The following CPNE8 variants were observed in gnomAD, a reference collection of about 807,000 sequenced individuals.
The protein encoded by CPNE8 is copine 8.
Under a neutral mutation model 81.5 loss-of-function variants are expected in CPNE8, and 45 were observed. The observed-to-expected ratio is 0.55, with a 90% confidence interval of 0.44 to 0.71. The LOEUF (loss-of-function observed/expected upper bound fraction) is 0.71. CPNE8 is among the 30% of genes least tolerant of loss of function. The pLI, the probability that CPNE8 is intolerant of heterozygous loss-of-function variation, is 0.00. For missense variants in CPNE8, 594 were observed against 672.1 expected, an observed-to-expected ratio of 0.88 and a Z score of 1.28; for synonymous variants, 252 against 226.3, an observed-to-expected ratio of 1.11 and a Z score of -1.02.
intron 10 of CPNE8, among the ~76,000 whole-genome samples, chr12:38,755,766 C>A (rs1007492744): frequency 1.8e-4 from 28 of 152,086 alleles, no homozygotes; most frequent in Non-Finnish European, 4.0e-4. Flanking sequence ...AACGGCCGGG[C>A]GCGGTGGCTC....
At chr12:38,697,963 T>C (rs1939837492) in intron 14 of CPNE8, among the ~76,000 whole-genome samples, 1 of 152,208 alleles carries the variant, frequency 6.6e-6, no homozygotes, top group Non-Finnish European at 1.5e-5. Flanking sequence ...ACCTACTTTC[T>C]TTATAAATTA....
chr12:38,666,641 T>C (rs943716191), intron 19 of CPNE8, among the ~76,000 whole-genome samples: 2 of 152,140 alleles, frequency 1.3e-5, no homozygotes, highest in Non-Finnish European at 2.9e-5. Flanking sequence ...AAATGTATGA[T>C]GGGAAGTTAG....
intron 11 of CPNE8, among the ~76,000 whole-genome samples, chr12:38,727,152 T>G (rs771485852): frequency 9.2e-5 from 14 of 152,152 alleles, no homozygotes; most frequent in Non-Finnish European, 2.1e-4. Flanking sequence ...ATCTGGAAAT[T>G]AATCAAAGGC....
chr12:38,731,070 T>C (rs888040450), intron 10 of CPNE8, among the ~76,000 whole-genome samples: 2 of 151,892 alleles, frequency 1.3e-5, no homozygotes, highest in African/African-American at 4.8e-5. Context: ...CATTCAGCAA[T>C]CTAGAGCAGA....
intron 15 of CPNE8, among the ~76,000 whole-genome samples, chr12:38,693,413 T>C (rs1340351021): frequency 6.6e-6 from 1 of 152,060 alleles, no homozygotes; most frequent in Non-Finnish European, 1.5e-5. Flanking sequence ...TAGCAAGCAA[T>C]AGATAACCAA....
At chr12:38,905,876 G>T (rs1227234771), upstream of CPNE8, 1 of 985,248 alleles carries the variant, frequency 1.0e-6, no homozygotes, top group Non-Finnish European at 1.2e-6. Context: ...CCAGCAAGCA[G>T]CCTGATGGAG....
intron 6 of CPNE8, among the ~76,000 whole-genome samples, chr12:38,823,462 C>G (rs1943138527): frequency 6.6e-6 from 1 of 152,162 alleles, no homozygotes; most frequent in Non-Finnish European, 1.5e-5. Context: ...CTACCAACTG[C>G]CTAGATCACA....
In CPNE8 at chr12:38,850,446, T is replaced by C. The variant is rs1943627917; in HGVS notation, c.187-1784A>G. 5.3e-5 allele frequency among the ~76,000 whole-genome samples: 8 copies of C among 152,336 alleles called. No homozygotes were observed. The South Asian group carries it at 1.7e-3, about 32-fold the overall frequency. On this transcript the variant is annotated intron_variant, in intron 3 of 19. Transcript: ENST00000331366. ...ACACACAAGCCTATTTCTCATAGAA[T>C]GCTGGCTCCTCAGCAATAGGAGTGA... is the stretch of plus-strand genomic sequence containing the variant.
At position 38,746,834 on chromosome 12, in the gene CPNE8, A is replaced by G. The variant is rs138802947; in HGVS notation, c.722+14013T>C. ...ATTTTAAAACAGGAACTAGAATCCT[A>G]TATATAAAAAAGAGATTGAATTTGC... On this transcript the variant is annotated intron_variant, in intron 10 of 19. Coordinates refer to ENST00000331366, the MANE Select transcript of CPNE8 (RefSeq NM_153634.3). Among the ~76,000 whole-genome samples, 306 of 152,322 alleles carry G rather than the reference A, an allele frequency of 2.0e-3. 2 individuals are homozygous for G. The highest frequency in any genetic ancestry group is 7.2e-3 in the African/African-American group (300 of 41,572).
intron 1 of CPNE8, among the ~76,000 whole-genome samples, chr12:38,879,995 T>G (rs1944127670): frequency 6.6e-6 from 1 of 152,214 alleles, no homozygotes; most frequent in Non-Finnish European, 1.5e-5. Flanking sequence ...TATTTAATTT[T>G]CAACAGGAAT....
At chr12:38,754,340 G>A (rs1455070747) in intron 10 of CPNE8, among the ~76,000 whole-genome samples, 2 of 152,020 alleles carry the variant, frequency 1.3e-5, no homozygotes, top group East Asian at 3.9e-4. Flanking sequence ...TCTTAAAAAT[G>A]TTACTGAAAA....
At chr12:38,786,004 G>A (rs1466960393) in intron 6 of CPNE8, among the ~76,000 whole-genome samples, 1 of 151,388 alleles carries the variant, frequency 6.6e-6, no homozygotes, top group East Asian at 1.9e-4. Flanking sequence ...AGAAAGAAGA[G>A]AACACAAAAC....
chr12:38,886,911 G>T (rs905850252), intron 1 of CPNE8, among the ~76,000 whole-genome samples: 23 of 152,124 alleles, frequency 1.5e-4, no homozygotes, highest in African/African-American at 5.6e-4. Flanking sequence ...TGTGGGGTGT[G>T]TGCCCACAGA....
At chr12:38,669,942 G>A (rs763468611) in intron 19 of CPNE8, among the ~76,000 whole-genome samples, 18 of 152,120 alleles carry the variant, frequency 1.2e-4, no homozygotes, top group Non-Finnish European at 1.9e-4. Context: ...AGCAGTACAA[G>A]CCTCTGATAA....
chr12:38,699,067 C>T (rs1467952026), intron 14 of CPNE8, among the ~76,000 whole-genome samples: 2 of 152,216 alleles, frequency 1.3e-5, no homozygotes, highest in African/African-American at 4.8e-5. Context: ...GCCACCTTAA[C>T]AATGTGGAGT....
At chr12:38,793,456 A>G (rs750693103) in intron 6 of CPNE8, among the ~76,000 whole-genome samples, 10 of 151,948 alleles carry the variant, frequency 6.6e-5, no homozygotes, top group Non-Finnish European at 1.2e-4. Context: ...GGAAATTAAG[A>G]TAATTTCATT....
intron 5 of CPNE8, among the ~76,000 whole-genome samples, chr12:38,835,899 C>T (rs1943371440): frequency 6.6e-6 from 1 of 152,016 alleles, no homozygotes; most frequent in African/African-American, 2.4e-5. Context: ...GTGCCTTCCG[C>T]AACCAACCAA....
chr12:38,667,069 T>C (rs1477024539), intron 19 of CPNE8, among the ~76,000 whole-genome samples: 1 of 152,130 alleles, frequency 6.6e-6, no homozygotes, highest in African/African-American at 2.4e-5. Context: ...CTACCCCCAA[T>C]ATTCTGCTGA....
chr12:38,667,103 G>T (rs1939073495), intron 19 of CPNE8, among the ~76,000 whole-genome samples: 1 of 152,044 alleles, frequency 6.6e-6, no homozygotes, highest in African/African-American at 2.4e-5. Context: ...ACTATTATTT[G>T]CCACCTTAGG....
Sources: gnomAD v4.1 joint callset for allele counts (sites outside exome capture counted in the v4.1 genomes callset) on GRCh38, gnomAD v4.1.1 for gene constraint, MANE v1.5 for transcripts, NCBI Gene and HGNC (gene_info 2026-07-23, HGNC 2026-07-21) for gene names.